JPH3: variants seen among roughly 807,000 people sequenced by gnomAD.
JPH3 encodes junctophilin-3.
In JPH3, 11 loss-of-function variants were observed where a neutral mutation model predicts 59.6. The observed-to-expected ratio is 0.18, with a 90% CI of 0.12 to 0.31. JPH3 has a LOEUF of 0.31. Ranked by LOEUF, JPH3 falls within the 10% of genes least tolerant of loss-of-function variation. JPH3 has a pLI of 1.00. For synonymous variants in JPH3, 673 were observed against 483.6 expected, an observed-to-expected ratio of 1.39 and a Z score of -5.14; for missense variants, 1,202 against 1,105.7, an observed-to-expected ratio of 1.09 and a Z score of -1.24.
intron 1 of JPH3, among the ~76,000 whole-genome samples, chr16:87,621,786 A>G (rs35136247): frequency 0.32 from 48,646 of 152,076 alleles, 8,100 homozygotes; most frequent in African/African-American, 0.37. Context: ...GGGAGGGGAC[A>G]GTCTAGGGAC....
intron 2 of JPH3, among the ~76,000 whole-genome samples, chr16:87,659,732 CA>C (rs112492214): frequency 1.1e-3 from 154 of 141,708 alleles, no homozygotes; most frequent in African/African-American, 2.6e-3. Flanking sequence ...GACTCCATTT[CA>C]AAAAAAAAAA....
At chr16:87,633,047 A>G (rs534861653) in intron 1 of JPH3, among the ~76,000 whole-genome samples, 10 of 152,096 alleles carry the variant, frequency 6.6e-5, no homozygotes, top group African/African-American at 2.4e-4. Context: ...CTTTTACTTC[A>G]TTATTTATAT....
rs1284852817 is a variant in JPH3 at position 87,689,582 on chromosome 16, C to A, written c.1286-64C>A. ...TCCCTCTGGCGCCCTGGCCCGGGGA[C>A]CGCGGCCTCGCTGTGGAATGTGCTG... On this transcript the variant is annotated intron_variant, in intron 3 of 4. Transcript: ENST00000284262. 1.9e-6 allele frequency: 3 copies of A among 1,544,474 alleles called. No homozygotes were observed. The Admixed American group carries it at 5.7e-5, about 29-fold the overall frequency.
chr16:87,644,015 G>A (rs2032045012), intron 1 of JPH3, among the ~76,000 whole-genome samples: 1 of 152,242 alleles, frequency 6.6e-6, no homozygotes, highest in African/African-American at 2.4e-5. Context: ...GTGCACGCCT[G>A]TAGTCCCAGC....
At chr16:87,686,383 CA>C (rs2033418831) in intron 3 of JPH3, among the ~76,000 whole-genome samples, 1 of 116,612 alleles carries the variant, frequency 8.6e-6, no homozygotes, top group East Asian at 2.3e-4. Flanking sequence ...AGATGCTTCC[CA>C]GAGGGCTCAG....
chr16:87,692,016 C>G (rs764986211), intron 4 of JPH3, among the ~76,000 whole-genome samples: 2 of 152,148 alleles, frequency 1.3e-5, no homozygotes, highest in Non-Finnish European at 2.9e-5. Context: ...AAGCTGGCCT[C>G]TGGGATGAGT....
At chr16:87,650,371 C>G (rs1030996000) in intron 2 of JPH3, among the ~76,000 whole-genome samples, 7 of 152,210 alleles carry the variant, frequency 4.6e-5, no homozygotes, top group African/African-American at 1.7e-4. Context: ...AGCCGCTCCC[C>G]CATCCCTCTC....
rs187732806 is a variant in JPH3 at position 87,621,201 on chromosome 16, G to A, written c.382+17673G>A. Reference sequence around the variant, plus strand: ...GAAACTGGTCCCCTGGAGCGCAGGGGTCAGCAGCTAACTTCTCGCCCTGGC... The same window carrying A: ...GAAACTGGTCCCCTGGAGCGCAGGGATCAGCAGCTAACTTCTCGCCCTGGC... On this transcript the variant is annotated intron_variant, in intron 1 of 4. Transcript: ENST00000284262. Among the ~76,000 whole-genome samples the A allele has an allele frequency of 1.4e-3, 216 of 152,352 alleles. 1 individual carries two copies. The highest frequency in any genetic ancestry group is 1.9e-3 in the Non-Finnish European group (126 of 68,030).
rs1271947384 is a variant in JPH3, at chr16:87,697,341, C to T, written c.*681C>T. The T allele has an allele frequency of 6.6e-6, 1 of 152,494 alleles. No homozygotes were observed. The highest frequency in any genetic ancestry group is 1.5e-5 in the Non-Finnish European group (1 of 68,244). The allele number at this position is 152,494 out of a possible 1,614,324, so 9.4% of individuals were successfully genotyped here. ...CGACTCCCCACACCGAGTTTTAAAG[C>T]AAAGCCCTTTTCTTCTGCTGCCCAC... On this transcript the variant is annotated 3_prime_UTR_variant, in exon 5 of 5. Coordinates refer to ENST00000284262, the MANE Select transcript of JPH3 (RefSeq NM_020655.4).
At chr16:87,612,397 C>A (rs910440109) in intron 1 of JPH3, among the ~76,000 whole-genome samples, 1 of 144,150 alleles carries the variant, frequency 6.9e-6, no homozygotes, top group Non-Finnish European at 1.6e-5. Context: ...AGTGCTTTTA[C>A]AGGTGTGAGC....
intron 4 of JPH3, chr16:87,696,065 G>C (rs1040894784): frequency 2.2e-6 from 1 of 456,480 alleles, no homozygotes; most frequent in Non-Finnish European, 4.4e-6. Flanking sequence ...TGTGGTGAGG[G>C]GGGGTTTTGT....
intron 3 of JPH3, 62 bp downstream of exon 3, chr16:87,684,328 T>G: frequency 6.3e-7 from 1 of 1,587,884 alleles, no homozygotes; most frequent in Non-Finnish European, 8.6e-7. Context: ...GGCTGGGCAG[T>G]CCTGGCAGCA....
At chr16:87,603,666 G>A in intron 1 of JPH3, 138 bp downstream of exon 1, 2 of 1,127,350 alleles carry the variant, frequency 1.8e-6, no homozygotes, top group Non-Finnish European at 2.5e-6. Flanking sequence ...GGGCTTCCCT[G>A]GAAGCCACGG....
At chr16:87,621,066 G>GGA (rs2031167537) in intron 1 of JPH3, among the ~76,000 whole-genome samples, 2 of 152,364 alleles carry the variant, frequency 1.3e-5, no homozygotes, top group African/African-American at 4.8e-5. Flanking sequence ...GGCTGAGACA[G>GGA]GAGAATTGCT....
At chr16:87,675,206 G>C (rs1222434592) in intron 2 of JPH3, among the ~76,000 whole-genome samples, 1 of 29,516 alleles carries the variant, frequency 3.4e-5, no homozygotes, top group Non-Finnish European at 6.0e-5. Context: ...CCGTTTCCCC[G>C]ACTCGCTGAC....
intron 2 of JPH3, among the ~76,000 whole-genome samples, chr16:87,661,537 G>T (rs946743249): frequency 6.6e-6 from 1 of 152,228 alleles, no homozygotes; most frequent in African/African-American, 2.4e-5. Context: ...CGACATTGTA[G>T]GTCACCACCA....
chr16:87,619,777 A>G (rs1038042175), intron 1 of JPH3, among the ~76,000 whole-genome samples: 4 of 152,196 alleles, frequency 2.6e-5, no homozygotes, highest in African/African-American at 9.7e-5. Flanking sequence ...AAAGAGCCCT[A>G]GGACTTCTTG....
chr16:87,695,397 C>A (rs1415085558), intron 4 of JPH3: 2 of 456,012 alleles, frequency 4.4e-6, no homozygotes, highest in African/African-American at 4.0e-5. Flanking sequence ...TCAGGACAAG[C>A]CCTGGTCCAT....
intron 2 of JPH3, among the ~76,000 whole-genome samples, chr16:87,646,529 C>T (rs116776185): frequency 7.9e-4 from 121 of 152,350 alleles, no homozygotes; most frequent in African/African-American, 2.7e-3. Context: ...AAATGTAATA[C>T]TTGTTCCACA....
Sources: allele counts gnomAD v4.1 joint callset (sites outside exome capture counted in the v4.1 genomes callset), GRCh38; gene constraint gnomAD v4.1.1; transcripts MANE v1.5; gene names NCBI Gene and HGNC (gene_info 2026-07-23, HGNC 2026-07-21).